The following DCAF10 variants were observed in gnomAD, a reference collection of about 807,000 sequenced individuals.
The protein encoded by DCAF10 is DDB1- and CUL4-associated factor 10.
Under a neutral mutation model 51.9 loss-of-function variants are expected in DCAF10, and 19 were observed. That is an observed-to-expected ratio of 0.37 (90% CI 0.26 to 0.54). The LOEUF (loss-of-function observed/expected upper bound fraction) is 0.54, where lower values mean the gene tolerates loss of function less well. Ranked by LOEUF, DCAF10 falls within the 20% of genes least tolerant of loss-of-function variation. The pLI is 0.87. For missense variants in DCAF10, 510 were observed against 730.6 expected (o/e 0.70, Z 3.48); for synonymous variants, 291 against 297.1 (o/e 0.98, Z 0.21).
intron 2 of DCAF10, among the ~76,000 whole-genome samples, chr9:37,830,316 C>T (rs1829969938): frequency 6.6e-6 from 1 of 152,284 alleles, no homozygotes; most frequent in South Asian, 2.1e-4. Context: ...GAAAACATTA[C>T]AAACATAAGC....
At chr9:37,860,380 A>C in intron 6 of DCAF10, 187 bp downstream of exon 6, 3 of 670,540 alleles carry the variant, frequency 4.5e-6, no homozygotes, top group Non-Finnish European at 6.8e-6. Flanking sequence ...TCCCTTCCAA[A>C]CTCTTCTTAT....
intron 1 of DCAF10, among the ~76,000 whole-genome samples, chr9:37,804,447 A>T (rs569713398): frequency 1.3e-5 from 2 of 152,246 alleles, no homozygotes; most frequent in South Asian, 2.1e-4. Flanking sequence ...TATTGTAGTG[A>T]AACTGTGGGA....
At chr9:37,826,373 T>G (rs952769697) in intron 2 of DCAF10, among the ~76,000 whole-genome samples, 1 of 152,194 alleles carries the variant, frequency 6.6e-6, no homozygotes, top group African/African-American at 2.4e-5. Context: ...CTGCAAAAAT[T>G]TAAAAGCTGG....
At chr9:37,811,783 A>C (rs1169093603) in intron 1 of DCAF10, among the ~76,000 whole-genome samples, 1 of 152,252 alleles carries the variant, frequency 6.6e-6, no homozygotes, top group Non-Finnish European at 1.5e-5. Flanking sequence ...AAAGATATTA[A>C]AGAGAATGAA....
chr9:37,801,403 C>T lies in DCAF10; in HGVS notation c.537C>T (p.Asp179=), dbSNP rs772963081. 3.4e-6 allele frequency: 5 copies of T among 1,478,936 alleles called. No individual in the cohort carries two copies. Among genetic ancestry groups the T allele is most frequent in the Non-Finnish European group, 4.5e-6 (5 of 1,111,726 alleles). 91.6% of individuals were successfully genotyped at this position (1,478,936 alleles called of 1,614,324 possible). A position where few individuals can be genotyped will look rare whatever the true frequency, so the allele number is the denominator to read the frequency against. ...GAVFNLEYSP[D]GSVLTVACEQ... ...TCTTCAACCTCGAGTACTCGCCCGA[C>T]GGGTAAGCGCGGCCCCTCGGAGGGC... The change falls in exon 1 of 7, where the codon GAC becomes GAT. Residue 179 remains aspartate, a splice_region_variant and synonymous_variant. Transcript: ENST00000377724. The surrounding 1 kb of genome is among the most constrained non-coding windows in gnomAD (Gnocchi z 5.5).
At chr9:37,804,833 A>C (rs577488693) in intron 1 of DCAF10, among the ~76,000 whole-genome samples, 2 of 152,274 alleles carry the variant, frequency 1.3e-5, no homozygotes, top group South Asian at 2.1e-4. Context: ...AGTGATAGCC[A>C]ATTAGTCTTC....
rs1828946334 is a variant in DCAF10 at position 37,801,548 on chromosome 9, T to C, written c.539+143T>C. 9.5e-7 allele frequency: 1 copy of C among 1,051,136 alleles called. No homozygotes were observed. The highest frequency in any genetic ancestry group is 1.7e-5 in the African/African-American group (1 of 59,358). 65.1% of individuals were successfully genotyped at this position (1,051,136 alleles called of 1,614,324 possible). On this transcript the variant is annotated intron_variant, in intron 1 of 6. Transcript: ENST00000377724. This position sits in a 1 kb window ranked among gnomAD's most constrained non-coding sequence, Gnocchi z 5.5. Reference sequence around the variant, plus strand: ...CGCTGGCCTTCGTGCCTCCTGGCACTTTCTGAAGCGCATTCTCGCCCTTGG... The same window carrying C: ...CGCTGGCCTTCGTGCCTCCTGGCACCTTCTGAAGCGCATTCTCGCCCTTGG...
At chr9:37,852,929 G>GA (rs1830709058) in intron 3 of DCAF10, among the ~76,000 whole-genome samples, 49 of 77,358 alleles carry the variant, frequency 6.3e-4, no homozygotes, top group African/African-American at 2.0e-3. Context: ...AGTATGTGAG[G>GA]TTATATATAT....
intron 1 of DCAF10, among the ~76,000 whole-genome samples, chr9:37,804,717 G>A (rs753173589): frequency 9.2e-5 from 14 of 151,762 alleles, no homozygotes; most frequent in Admixed American, 5.9e-4. Context: ...TAGAGCTTGC[G>A]GTGAGCCAAG....
intron 3 of DCAF10, among the ~76,000 whole-genome samples, chr9:37,852,965 T>C (rs10115555): frequency 9.9e-6 from 1 of 101,074 alleles, no homozygotes; most frequent in Non-Finnish European, 2.3e-5. Context: ...TATATATATA[T>C]AAATTAGCTT....
intron 1 of DCAF10, among the ~76,000 whole-genome samples, chr9:37,808,095 A>G (rs1829177508): frequency 6.6e-6 from 1 of 152,196 alleles, no homozygotes. Flanking sequence ...GATTGGTATC[A>G]TACCGAATAC....
intron 1 of DCAF10, among the ~76,000 whole-genome samples, chr9:37,803,766 G>C (rs1829028634): frequency 6.7e-6 from 1 of 150,370 alleles, no homozygotes; most frequent in South Asian, 2.1e-4. Flanking sequence ...TTAAATATGA[G>C]TTAAATCAGC....
intron 2 of DCAF10, among the ~76,000 whole-genome samples, chr9:37,840,885 T>C (rs1246356838): frequency 6.6e-6 from 1 of 152,120 alleles, no homozygotes; most frequent in East Asian, 1.9e-4. Context: ...TTTTTCTATC[T>C]TTCAATATAC....
intron 2 of DCAF10, among the ~76,000 whole-genome samples, chr9:37,821,415 T>C (rs1171148285): frequency 6.6e-6 from 1 of 152,172 alleles, no homozygotes; most frequent in African/African-American, 2.4e-5. Flanking sequence ...GAAGTCAATG[T>C]AGTAGAGAAC....
rs185786420 is a variant in DCAF10, at chr9:37,819,961, A to C, written c.653+560A>C. ...AGCAACATAGACAAATGCTTCGCAT[A>C]ATACAGGGTAAAATTGTGATAAGAA... is the stretch of plus-strand genomic sequence containing the variant. On this transcript the variant is annotated intron_variant, in intron 2 of 6. Transcript: ENST00000377724. Among the ~76,000 whole-genome samples the C allele has an allele frequency of 1.2e-4, 19 of 152,266 alleles. 1 individual carries two copies. The East Asian group carries it at 3.7e-3, about 29-fold the overall frequency.
intron 3 of DCAF10, among the ~76,000 whole-genome samples, chr9:37,850,550 T>C (rs1050942237): frequency 6.6e-6 from 1 of 151,864 alleles, no homozygotes; most frequent in South Asian, 2.1e-4. Context: ...ATCACTTACA[T>C]GTAGAATCTA....
upstream of DCAF10, chr9:37,800,779 C>A: frequency 6.6e-7 from 1 of 1,521,568 alleles, no homozygotes; most frequent in Admixed American, 2.0e-5. Context: ...GGTTAGGCCG[C>A]TGCACGCCGG....
rs1437584838 is a variant in DCAF10, at chr9:37,808,524, T to TAAATATATAAAACATATATTTATATAA, written c.539+7119_539+7120insAAATATATAAAACATATATTTATATAA. ...ATAAAACATATATTTATATAATATA[T>TAAATATATAAAACATATATTTATATAA]TATATAAATATATAATATATGTAAT... On this transcript the variant is annotated intron_variant, in intron 1 of 6. Transcript: ENST00000377724. Among the ~76,000 whole-genome samples the TAAATATATAAAACATATATTTATATAA allele has an allele frequency of 8.5e-3, 937 of 110,094 alleles. 11 individuals are homozygous for TAAATATATAAAACATATATTTATATAA. Among genetic ancestry groups the TAAATATATAAAACATATATTTATATAA allele is most frequent in the African/African-American group, 0.02 (608 of 30,398 alleles). 72.2% of individuals were successfully genotyped at this position (110,094 alleles called of 152,430 possible).
At chr9:37,855,113 C>A in intron 4 of DCAF10, 131 bp downstream of exon 4, 1 of 787,216 alleles carries the variant, frequency 1.3e-6, no homozygotes, top group Non-Finnish European at 2.0e-6. Context: ...CTTTAGAAAG[C>A]TCATTGATGG....
Sources: gnomAD v4.1 joint callset for allele counts (sites outside exome capture counted in the v4.1 genomes callset) on GRCh38, gnomAD v4.1.1 for gene constraint, Gnocchi (gnomAD v3.1) non-coding constraint, MANE v1.5 for transcripts, NCBI Gene and HGNC (gene_info 2026-07-23, HGNC 2026-07-21) for gene names.